Variants in VPS37A observed in about 807,000 individuals in gnomAD.
VPS37A encodes vacuolar protein sorting-associated protein 37A.
Under a neutral mutation model 49.8 loss-of-function variants are expected in VPS37A, and 30 were observed. That is an observed-to-expected ratio of 0.60 (90% CI 0.45 to 0.82). The LOEUF is 0.82. Ranked by LOEUF, VPS37A falls within the 40% of genes least tolerant of loss-of-function variation. The pLI is 0.00. For synonymous variants in VPS37A, 195 were observed against 160.6 expected (o/e 1.21, Z -1.62); for missense variants, 593 against 464.4 (o/e 1.28, Z -2.55).
the VPS37A span, among the ~76,000 whole-genome samples, chr8:17,328,409 C>T: frequency 7.2e-5 from 11 of 152,244 alleles, no homozygotes; most frequent in Admixed American, 2.0e-4. Flanking sequence ...GGCTCTTCTA[C>T]GGACTGTTTT....
the VPS37A span, among the ~76,000 whole-genome samples, chr8:17,312,683 T>C: frequency 1.3e-5 from 2 of 151,688 alleles, no homozygotes; most frequent in South Asian, 4.2e-4. Flanking sequence ...CTGTAAAATC[T>C]AGAATAGTAC....
Position 17,247,297 on chromosome 8 carries a change from C to A in VPS37A, c.53C>A (p.Ser18Tyr). Residue 18 changes from serine to tyrosine, a missense_variant, in exon 1 of 12, where the codon TCC becomes TAC. Ser to Tyr is a moderately radical substitution (Grantham distance 144, BLOSUM62 -2). Transcript: ENST00000324849. Reference protein sequence around the residue: ...TKSASSSAAGSPGGLTSLQQQ... With the variant: ...TKSASSSAAGYPGGLTSLQQQ... The stretch of plus-strand genomic sequence containing the variant: ...AGCGCCTCCTCCTCCGCGGCTGGGT[C>A]CCCCGGTGGCCTCACCAGCCTCCAG... The A allele has an allele frequency of 6.4e-7, 1 of 1,564,870 alleles. No homozygotes were observed. Among genetic ancestry groups the A allele is most frequent in the South Asian group, 1.2e-5 (1 of 85,048 alleles).
the VPS37A span, among the ~76,000 whole-genome samples, chr8:17,324,152 C>T: frequency 6.6e-6 from 1 of 152,164 alleles, no homozygotes; most frequent in African/African-American, 2.4e-5. Context: ...TCCTTCCTGC[C>T]ATGATTTCTG....
intron 11 of VPS37A, among the ~76,000 whole-genome samples, chr8:17,287,690 A>T (rs1586064387): frequency 6.6e-6 from 1 of 152,086 alleles, no homozygotes; most frequent in South Asian, 2.1e-4. Context: ...AAAAAAAAAA[A>T]TTCTTTTTTC....
chr8:17,269,605 C>A (rs1290362268), intron 4 of VPS37A, among the ~76,000 whole-genome samples: 2 of 152,166 alleles, frequency 1.3e-5, no homozygotes, highest in African/African-American at 4.8e-5. Context: ...GTTTCCTTCA[C>A]ATTCAGTGCT....
In VPS37A at chr8:17,284,697, G is replaced by A. The variant is rs537981279; in HGVS notation, c.1113+81G>A. ...AGAGGAGGAGAAGCACTGGGTGTTA[G>A]CTATTTCTCTATTATGATATCATCC... On this transcript the variant is annotated intron_variant, in intron 10 of 11. Transcript: ENST00000324849. The A allele has an allele frequency of 2.4e-5, 34 of 1,443,774 alleles. No individual in the cohort carries two copies. In the Middle Eastern group the frequency reaches 7.4e-4, roughly 31 times the overall value. 89.4% of individuals were successfully genotyped at this position (1,443,774 alleles called of 1,614,324 possible). A position where few individuals can be genotyped will look rare whatever the true frequency, so the allele number is the denominator to read the frequency against.
At chr8:17,303,734 C>G (rs989199480), downstream of VPS37A, among the ~76,000 whole-genome samples, 76 of 152,044 alleles carry the variant, frequency 5.0e-4, no homozygotes, top group African/African-American at 1.8e-3. Context: ...CTCAGCCTCC[C>G]GAGTAGCTAG....
At chr8:17,329,112 AAAT>A in the VPS37A span, among the ~76,000 whole-genome samples, 1 of 152,196 alleles carries the variant, frequency 6.6e-6, no homozygotes. Flanking sequence ...ATAATTCAGA[AAAT>A]AATAATCATG....
intron 11 of VPS37A, among the ~76,000 whole-genome samples, chr8:17,290,810 G>A (rs1563292319): frequency 6.6e-6 from 1 of 152,080 alleles, no homozygotes; most frequent in African/African-American, 2.4e-5. Context: ...TCTGGTACTG[G>A]GCTTTTTTTG....
At chr8:17,289,787 T>C (rs1040712388) in intron 11 of VPS37A, among the ~76,000 whole-genome samples, 5 of 152,240 alleles carry the variant, frequency 3.3e-5, no homozygotes, top group Admixed American at 1.3e-4. Flanking sequence ...TATAAATTAC[T>C]TTGGTCAGTA....
Position 17,249,944 on chromosome 8 carries a change from T to C in VPS37A, c.125+2575T>C, listed in dbSNP as rs1390480502. Among the ~76,000 whole-genome samples, 3 of 152,182 alleles carry C rather than the reference T, an allele frequency of 2.0e-5. No individual in the cohort carries two copies. The East Asian group carries it at 5.8e-4, about 29-fold the overall frequency. On this transcript the variant is annotated intron_variant, in intron 1 of 11. Coordinates refer to ENST00000324849, the MANE Select transcript of VPS37A (RefSeq NM_152415.3). ...TGATTGGACAAAAAGAGTATGGTAA[T>C]GGTAATAGACAGAGGTAGGGGAAAC...
At chr8:17,331,600 G>A in the VPS37A span, among the ~76,000 whole-genome samples, 1 of 152,176 alleles carries the variant, frequency 6.6e-6, no homozygotes, top group African/African-American at 2.4e-5. Context: ...ATTCTGTGAT[G>A]GAACCAAGTA....
In VPS37A at chr8:17,292,273, G is replaced by A. The variant is rs137985249; in HGVS notation, c.*1-2714G>A. Among the ~76,000 whole-genome samples, 641 of 152,176 alleles carry A rather than the reference G, an allele frequency of 4.2e-3. 5 individuals are homozygous for A. Among genetic ancestry groups the A allele is most frequent in the African/African-American group, 0.014 (577 of 41,504 alleles). ...TCTTGGTTTAAACTCTGTTTTATCAGAGACCAGGATTGCAACCCCTGCTTT... is the reference window on the plus strand; with the variant it reads ...TCTTGGTTTAAACTCTGTTTTATCAAAGACCAGGATTGCAACCCCTGCTTT... On this transcript the variant is annotated intron_variant, in intron 11 of 11. Coordinates refer to ENST00000324849, the MANE Select transcript of VPS37A (RefSeq NM_152415.3).
chr8:17,299,473 G>T (rs185227463), downstream of VPS37A: 2 of 175,880 alleles, frequency 1.1e-5, no homozygotes, highest in South Asian at 1.4e-4. Flanking sequence ...TATGCATCTA[G>T]AAGTGAACTA....
Position 17,263,273 on chromosome 8 carries a change from G to A in VPS37A, c.126-2634G>A, listed in dbSNP as rs1813131638. On this transcript the variant is annotated intron_variant, in intron 1 of 11. Coordinates refer to ENST00000324849, the MANE Select transcript of VPS37A (RefSeq NM_152415.3). ...CAACTTTTTTTTAATGAGAATGAAT[G>A]TTTTGGAATAAGTTTTTTAAAAGTA... is the stretch of plus-strand genomic sequence containing the variant. Among the ~76,000 whole-genome samples the A allele has an allele frequency of 1.3e-5, 2 of 151,982 alleles. 1 individual carries two copies. Among genetic ancestry groups the A allele is most frequent in the South Asian group, 4.2e-4 (2 of 4,812 alleles).
the VPS37A span, among the ~76,000 whole-genome samples, chr8:17,329,256 A>G: frequency 6.6e-6 from 1 of 152,186 alleles, no homozygotes; most frequent in Non-Finnish European, 1.5e-5. Context: ...GCAACACTTC[A>G]TCATCAGCTC....
chr8:17,310,294 C>A, the VPS37A span, among the ~76,000 whole-genome samples: 1 of 152,144 alleles, frequency 6.6e-6, no homozygotes, highest in South Asian at 2.1e-4. Context: ...AGCTACCACA[C>A]CCAGCCTGGA....
At position 17,279,796 on chromosome 8, in the gene VPS37A, G is replaced by T. The variant is rs990061106; in HGVS notation, c.714-232G>T. 8.6e-6 allele frequency: 5 copies of T among 583,864 alleles called. No individual in the cohort carries two copies. In the Admixed American group the frequency reaches 1.1e-4, roughly 13 times the overall value. The allele number at this position is 583,864 out of a possible 1,614,324, so 36.2% of individuals were successfully genotyped here. On this transcript the variant is annotated intron_variant, in intron 6 of 11. Coordinates refer to ENST00000324849, the MANE Select transcript of VPS37A (RefSeq NM_152415.3). ...AGTAGATATATCGATATATCCATTG[G>T]ACCAAAATTTACTTTTACAGATTCT...
the VPS37A span, among the ~76,000 whole-genome samples, chr8:17,310,451 G>C: frequency 1.3e-5 from 2 of 152,170 alleles, no homozygotes; most frequent in Non-Finnish European, 2.9e-5. Flanking sequence ...TGGGTTGTAA[G>C]TTTAATGGGG....
Sources: allele counts gnomAD v4.1 joint callset (sites outside exome capture counted in the v4.1 genomes callset), GRCh38; gene constraint gnomAD v4.1.1; transcripts MANE v1.5; gene names NCBI Gene and HGNC (gene_info 2026-07-23, HGNC 2026-07-21).